The following DGKB variants were observed in gnomAD, a reference collection of about 807,000 sequenced individuals.
DGKB encodes diacylglycerol kinase beta.
In DGKB, 67 loss-of-function variants were observed where a neutral mutation model predicts 114.3. The observed-to-expected ratio is 0.59, with a 90% CI of 0.48 to 0.72. The LOEUF (loss-of-function observed/expected upper bound fraction) is 0.72, where lower values mean the gene tolerates loss of function less well. Ranked by LOEUF, DGKB falls within the 30% of genes least tolerant of loss-of-function variation. The pLI, the probability that DGKB is intolerant of heterozygous loss-of-function variation, is 0.00. For missense variants in DGKB, 907 were observed against 975.2 expected (o/e 0.93, Z 0.93); for synonymous variants, 398 against 323.1 (o/e 1.23, Z -2.49).
intron 20 of DGKB, among the ~76,000 whole-genome samples, chr7:14,481,033 GA>G (rs1438511176): frequency 6.6e-6 from 1 of 151,366 alleles, no homozygotes; most frequent in Non-Finnish European, 1.5e-5. Flanking sequence ...AAAAATCTAA[GA>G]AATGAAAATA....
At chr7:14,539,000 C>T (rs569312442) in intron 20 of DGKB, among the ~76,000 whole-genome samples, 2 of 152,098 alleles carry the variant, frequency 1.3e-5, no homozygotes, top group African/African-American at 2.4e-5. Context: ...GGAGCTGTTG[C>T]TTAGTGAGTG....
intron 1 of DGKB, among the ~76,000 whole-genome samples, chr7:14,912,424 G>A (rs1469021388): frequency 6.6e-6 from 1 of 152,108 alleles, no homozygotes; most frequent in Non-Finnish European, 1.5e-5. Flanking sequence ...GAAACATTTA[G>A]AGTGTGCCTC....
chr7:14,760,941 C>T (rs1469368299), intron 2 of DGKB, among the ~76,000 whole-genome samples: 2 of 152,132 alleles, frequency 1.3e-5, no homozygotes, highest in African/African-American at 4.8e-5. Flanking sequence ...GCTAAATTAA[C>T]AGCCAAAAAC....
At chr7:14,309,825 T>TATCATTGAAGTTACTGAAGG (rs1477176406) in intron 23 of DGKB, among the ~76,000 whole-genome samples, 2 of 152,166 alleles carry the variant, frequency 1.3e-5, no homozygotes, top group African/African-American at 4.8e-5. Context: ...GAAGAAGGGC[T>TATCATTGAAGTTACTGAAGG]ATCATTGAAG....
intron 21 of DGKB, among the ~76,000 whole-genome samples, chr7:14,468,791 C>G (rs1780857514): frequency 6.6e-6 from 1 of 151,922 alleles, no homozygotes; most frequent in Non-Finnish European, 1.5e-5. Flanking sequence ...GTGGACATCT[C>G]TGAATTAATT....
At chr7:14,489,189 C>A (rs1444538482) in intron 20 of DGKB, among the ~76,000 whole-genome samples, 1 of 152,072 alleles carries the variant, frequency 6.6e-6, no homozygotes, top group Non-Finnish European at 1.5e-5. Flanking sequence ...TAATAGAATC[C>A]TTATTTCATA....
chr7:14,607,893 C>T (rs547516298), intron 16 of DGKB, among the ~76,000 whole-genome samples: 1 of 151,864 alleles, frequency 6.6e-6, no homozygotes, highest in Admixed American at 6.6e-5. Context: ...CTCAGTAAAT[C>T]CTTGTGAATA....
At chr7:14,179,823 T>C (rs1446542268) in intron 23 of DGKB, among the ~76,000 whole-genome samples, 2 of 152,224 alleles carry the variant, frequency 1.3e-5, no homozygotes, top group Admixed American at 1.3e-4. Context: ...AAACAATATT[T>C]TAGCTACAAA....
chr7:14,355,024 A>G (rs1480501767), intron 21 of DGKB, among the ~76,000 whole-genome samples: 1 of 152,182 alleles, frequency 6.6e-6, no homozygotes, highest in Non-Finnish European at 1.5e-5. Flanking sequence ...CAGCAGAAAC[A>G]ACTAGCTGGA....
chr7:14,225,567 T>C (rs1330983778), intron 23 of DGKB, among the ~76,000 whole-genome samples: 1 of 152,096 alleles, frequency 6.6e-6, no homozygotes, highest in Non-Finnish European at 1.5e-5. Context: ...ATGAAATGTT[T>C]GTCCTTTTTT....
intron 25 of DGKB, among the ~76,000 whole-genome samples, chr7:14,171,311 G>C (rs1047340034): frequency 6.6e-6 from 1 of 152,068 alleles, no homozygotes; most frequent in Non-Finnish European, 1.5e-5. Flanking sequence ...TGTATAATCT[G>C]TTCATGATTT....
Position 14,148,232 on chromosome 7 carries a change from A to G in DGKB, c.*899T>C, listed in dbSNP as rs992257941. The stretch of plus-strand genomic sequence containing the variant: ...CTTTCCAGCATTTTAGTCATCACAA[A>G]ATTAATCACAGGAACCCTAAATTTG... On this transcript the variant is annotated 3_prime_UTR_variant, in exon 26 of 26. Transcript: ENST00000402815. 1 of 152,590 alleles carries G rather than the reference A, an allele frequency of 6.6e-6. No homozygotes were observed. 9.5% of individuals were successfully genotyped at this position (152,590 alleles called of 1,614,324 possible). A position where few individuals can be genotyped will look rare whatever the true frequency, so the allele number is the denominator to read the frequency against.
chr7:14,158,949 C>G (rs1783447655), intron 25 of DGKB, among the ~76,000 whole-genome samples: 1 of 151,676 alleles, frequency 6.6e-6, no homozygotes, highest in South Asian at 2.1e-4. Context: ...AATTTTTTTC[C>G]TTTTTACTAC....
At chr7:14,632,507 G>A (rs1245923806) in intron 13 of DGKB, among the ~76,000 whole-genome samples, 1 of 151,586 alleles carries the variant, frequency 6.6e-6, no homozygotes, top group African/African-American at 2.4e-5. Flanking sequence ...TTTTTTTATT[G>A]TTAGTGAATA....
At chr7:14,344,330 A>G (rs1812124143) in intron 22 of DGKB, among the ~76,000 whole-genome samples, 1 of 151,556 alleles carries the variant, frequency 6.6e-6, no homozygotes, top group Admixed American at 6.6e-5. Flanking sequence ...TTACACTGAG[A>G]GTAGTATCAT....
At chr7:14,484,519 C>T (rs1783480507) in intron 20 of DGKB, among the ~76,000 whole-genome samples, 1 of 152,192 alleles carries the variant, frequency 6.6e-6, no homozygotes, top group African/African-American at 2.4e-5. Flanking sequence ...ACCTCTTGCT[C>T]CTGCTATTGC....
chr7:14,735,983 A>G (rs949087160), intron 5 of DGKB, 58 bp downstream of exon 5: 3 of 1,019,022 alleles, frequency 2.9e-6, no homozygotes, highest in Non-Finnish European at 4.1e-6. Flanking sequence ...TGATAACTAG[A>G]TATTTATTTA....
chr7:14,156,793 T>C (rs1783087448), intron 25 of DGKB, among the ~76,000 whole-genome samples: 1 of 152,184 alleles, frequency 6.6e-6, no homozygotes, highest in African/African-American at 2.4e-5. Context: ...ATAATTTTCT[T>C]TGGCGTATCT....
chr7:14,688,914 A>T (rs1273471305), intron 9 of DGKB, among the ~76,000 whole-genome samples: 1 of 151,570 alleles, frequency 6.6e-6, no homozygotes, highest in Non-Finnish European at 1.5e-5. Context: ...TTTTTCCATA[A>T]ATACTTCCAA....
Sources: gnomAD v4.1 joint callset for allele counts (sites outside exome capture counted in the v4.1 genomes callset) on GRCh38, gnomAD v4.1.1 for gene constraint, MANE v1.5 for transcripts, NCBI Gene and HGNC (gene_info 2026-07-23, HGNC 2026-07-21) for gene names.